The following ALK variants were observed in gnomAD, a reference collection of about 807,000 sequenced individuals.
ALK encodes the protein ALK receptor tyrosine kinase.
In ALK, 74 loss-of-function variants were observed where a neutral mutation model predicts 163.1. The ratio of observed to expected loss-of-function variants is 0.45; its 90% CI spans 0.38 to 0.55. The LOEUF (loss-of-function observed/expected upper bound fraction) is 0.55. ALK is among the 20% of genes least tolerant of loss of function. The probability of loss-of-function intolerance (pLI) is 0.00; values close to 1 mark genes in which losing one functional copy is unlikely to be tolerated. For synonymous variants in ALK, 960 were observed against 843.2 expected, an observed-to-expected ratio of 1.14 and a Z score of -2.40; for missense variants, 2,063 against 2,105.3, an observed-to-expected ratio of 0.98 and a Z score of 0.39.
chr2:29,303,138 C>G (rs1342978676), intron 8 of ALK, among the ~76,000 whole-genome samples: 2 of 152,050 alleles, frequency 1.3e-5, no homozygotes, highest in Non-Finnish European at 2.9e-5. Context: ...GATTAATATC[C>G]AGAACCTATA....
At chr2:29,776,109 T>C (rs1681167712) in intron 1 of ALK, among the ~76,000 whole-genome samples, 1 of 151,818 alleles carries the variant, frequency 6.6e-6, no homozygotes, top group Non-Finnish European at 1.5e-5. Flanking sequence ...TTGCAAGGCA[T>C]GATGTGAGGC....
At chr2:29,228,403 G>T (rs1323222377) in intron 16 of ALK, among the ~76,000 whole-genome samples, 1 of 152,188 alleles carries the variant, frequency 6.6e-6, no homozygotes, top group East Asian at 1.9e-4. Flanking sequence ...TTGCTGAAGG[G>T]CTGGGCTAAG....
intron 3 of ALK, among the ~76,000 whole-genome samples, chr2:29,644,877 C>T: frequency 6.6e-6 from 1 of 152,128 alleles, no homozygotes; most frequent in South Asian, 2.1e-4. Flanking sequence ...ATGATCCTGA[C>T]TTGCTTGGTT....
chr2:29,880,437 T>TG (rs908075672), intron 1 of ALK, among the ~76,000 whole-genome samples: 4 of 152,100 alleles, frequency 2.6e-5, no homozygotes, highest in Non-Finnish European at 2.9e-5. Flanking sequence ...TTTTAAATGT[T>TG]GGGGGGTCAC....
At chr2:29,762,693 A>G (rs1360065326) in intron 1 of ALK, among the ~76,000 whole-genome samples, 1 of 152,214 alleles carries the variant, frequency 6.6e-6, no homozygotes, top group Non-Finnish European at 1.5e-5. Context: ...GGATAAGGGA[A>G]GCTTAAGCAA....
chr2:29,805,491 C>G (rs944714277), intron 1 of ALK, among the ~76,000 whole-genome samples: 2 of 152,160 alleles, frequency 1.3e-5, no homozygotes, highest in Admixed American at 1.3e-4. Context: ...CTGATGCTCT[C>G]CTTCCTCCTG....
chr2:29,842,254 G>A (rs1474178929), intron 1 of ALK, among the ~76,000 whole-genome samples: 2 of 152,114 alleles, frequency 1.3e-5, no homozygotes, highest in Non-Finnish European at 1.5e-5. Context: ...CCGAGGAGAG[G>A]TTCTGGCTAG....
chr2:29,406,437 G>A (rs13395624), intron 4 of ALK, among the ~76,000 whole-genome samples: 1,917 of 152,280 alleles, frequency 0.013, 41 homozygotes, highest in African/African-American at 0.043. Context: ...TTCCCAGCCT[G>A]TCTCCAAGTT....
chr2:29,518,891 T>C (rs1672741469), intron 4 of ALK, among the ~76,000 whole-genome samples: 1 of 152,182 alleles, frequency 6.6e-6, no homozygotes, highest in African/African-American at 2.4e-5. Flanking sequence ...GCTGATATGA[T>C]TCTAGGTGCT....
rs571045829 is a variant in ALK, at chr2:29,399,544, T to C, written c.1155-15685A>G. ...AGGGCATGCTCAGAAGATTAGCTAG[T>C]GTGTGCCTGAGCTTGGGCTTGGGAT... is the stretch of plus-strand genomic sequence containing the variant. On this transcript the variant is annotated intron_variant, in intron 4 of 28. Coordinates refer to ENST00000389048, the MANE Select transcript of ALK (RefSeq NM_004304.5). 2.6e-5 allele frequency among the ~76,000 whole-genome samples: 4 copies of C among 152,312 alleles called. No individual in the cohort carries two copies. The East Asian group carries it at 7.7e-4, about 29-fold the overall frequency.
chr2:29,780,972 C>T (rs1370290212), intron 1 of ALK, among the ~76,000 whole-genome samples: 1 of 152,176 alleles, frequency 6.6e-6, no homozygotes, highest in Non-Finnish European at 1.5e-5. Context: ...AAACATCATC[C>T]TCAGAAAAGA....
Position 29,389,380 on chromosome 2 carries a change from T to A in ALK, c.1155-5521A>T, listed in dbSNP as rs143099156. Among the ~76,000 whole-genome samples the A allele has an allele frequency of 1.2e-3, 182 of 152,294 alleles. 2 individuals carry two copies. The highest frequency in any genetic ancestry group is 4.2e-3 in the African/African-American group (173 of 41,570). ...GGGTCAGGAATTAGGAAAAGGGCAA[T>A]GCAGAAATGCAGAAAGAGAGACTGG... On this transcript the variant is annotated intron_variant, in intron 4 of 28. Transcript: ENST00000389048.
At chr2:29,655,572 GC>G (rs1573531831) in intron 3 of ALK, among the ~76,000 whole-genome samples, 1 of 152,278 alleles carries the variant, frequency 6.6e-6, no homozygotes, top group East Asian at 1.9e-4. Context: ...GCCTGGAAAA[GC>G]TCACTCATAA....
chr2:29,909,329 A>G (rs1259017150), intron 1 of ALK, among the ~76,000 whole-genome samples: 2 of 152,224 alleles, frequency 1.3e-5, no homozygotes, highest in Non-Finnish European at 2.9e-5. Flanking sequence ...CTGACACAGG[A>G]AAGAGAAGGC....
At chr2:29,486,830 T>C (rs1320747809) in intron 4 of ALK, among the ~76,000 whole-genome samples, 1 of 152,224 alleles carries the variant, frequency 6.6e-6, no homozygotes, top group Non-Finnish European at 1.5e-5. Context: ...AATAGTAGCA[T>C]TTAATTAAAA....
intron 8 of ALK, among the ~76,000 whole-genome samples, chr2:29,304,985 T>C (rs932770925): frequency 1.3e-5 from 2 of 152,136 alleles, no homozygotes; most frequent in Admixed American, 6.5e-5. Context: ...CTGATTTAAG[T>C]AGATGTGGGT....
intron 4 of ALK, among the ~76,000 whole-genome samples, chr2:29,464,662 G>A (rs941774385): frequency 6.6e-6 from 1 of 152,028 alleles, no homozygotes; most frequent in African/African-American, 2.4e-5. Context: ...ACAGGGGCCC[G>A]TTTTTTACTA....
At chr2:29,754,619 GC>G (rs1472861430) in intron 1 of ALK, among the ~76,000 whole-genome samples, 6 of 152,042 alleles carry the variant, frequency 3.9e-5, no homozygotes, top group Non-Finnish European at 8.8e-5. Flanking sequence ...GAGTTTGGGA[GC>G]TTGCAGCTGC....
intron 4 of ALK, among the ~76,000 whole-genome samples, chr2:29,435,630 A>T (rs375372280): frequency 9.6e-4 from 133 of 138,610 alleles, no homozygotes; most frequent in African/African-American, 3.1e-3. Flanking sequence ...ACGGTGGTTT[A>T]AAAAAAAAAA....
Sources: gnomAD v4.1 joint callset for allele counts (sites outside exome capture counted in the v4.1 genomes callset) on GRCh38, gnomAD v4.1.1 for gene constraint, MANE v1.5 for transcripts, NCBI Gene and HGNC (gene_info 2026-07-23, HGNC 2026-07-21) for gene names.